The following ZNF723 variants were observed in gnomAD, a reference collection of about 807,000 sequenced individuals.
ZNF723 encodes the protein zinc finger protein 723, pseudogene.
Under a neutral mutation model 9.4 loss-of-function variants are expected in ZNF723, and 5 were observed. The observed-to-expected ratio is 0.53, with a 90% CI of 0.28 to 1.12. ZNF723 has a LOEUF of 1.12. Ranked by LOEUF, ZNF723 falls within the 50% of genes most tolerant of loss-of-function variation. The pLI is 0.10. For missense variants in ZNF723, 450 were observed against 501.5 expected, an observed-to-expected ratio of 0.90 and a Z score of 0.98; for synonymous variants, 158 against 168.8, an observed-to-expected ratio of 0.94 and a Z score of 0.49.
intron 3 of ZNF723, among the ~76,000 whole-genome samples, chr19:22,856,806 C>T (rs1303102568): frequency 6.6e-6 from 1 of 152,190 alleles, no homozygotes; most frequent in East Asian, 1.9e-4. Flanking sequence ...CAGGAGCTTA[C>T]AATTTACTTG....
At chr19:22,828,430 A>G (rs1599467606), upstream of ZNF723, among the ~76,000 whole-genome samples, 1 of 152,272 alleles carries the variant, frequency 6.6e-6, no homozygotes. Flanking sequence ...CGGGGCGGGC[A>G]GATCACAAGG....
At chr19:22,856,822 G>A (rs550830671) in intron 3 of ZNF723, among the ~76,000 whole-genome samples, 2 of 152,260 alleles carry the variant, frequency 1.3e-5, no homozygotes, top group South Asian at 4.1e-4. Context: ...ACTTGTAAAG[G>A]CTCTTTGCTA....
At chr19:22,838,971 T>C (rs570641608) in intron 1 of ZNF723, among the ~76,000 whole-genome samples, 1 of 152,060 alleles carries the variant, frequency 6.6e-6, no homozygotes, top group African/African-American at 2.4e-5. Context: ...GGTCTCGAAC[T>C]CCTTACCTTA....
chr19:22,831,207 G>A (rs1265280209), upstream of ZNF723, among the ~76,000 whole-genome samples: 1 of 152,196 alleles, frequency 6.6e-6, no homozygotes, highest in Admixed American at 6.5e-5. Context: ...AGAACCGACA[G>A]TGTGCTAGTT....
At chr19:22,822,219 CAATTAGGA>C in the ZNF723 span, among the ~76,000 whole-genome samples, 2 of 152,228 alleles carry the variant, frequency 1.3e-5, no homozygotes, top group African/African-American at 4.8e-5. Flanking sequence ...ACCAAGCCAA[CAATTAGGA>C]TTGTCACTTC....
At chr19:22,833,119 C>T (rs1056024574) in intron 1 of ZNF723, among the ~76,000 whole-genome samples, 1 of 151,728 alleles carries the variant, frequency 6.6e-6, no homozygotes, top group Non-Finnish European at 1.5e-5. Flanking sequence ...AGTAGATTTC[C>T]ACCTCAGCCT....
intron 1 of ZNF723, among the ~76,000 whole-genome samples, chr19:22,848,025 C>G (rs1967337912): frequency 1.3e-5 from 2 of 151,470 alleles, no homozygotes; most frequent in South Asian, 4.2e-4. Context: ...TCACTTGAAC[C>G]CAGGAGGCAG....
At chr19:22,846,426 C>T (rs1967310382) in intron 1 of ZNF723, among the ~76,000 whole-genome samples, 2 of 152,166 alleles carry the variant, frequency 1.3e-5, no homozygotes, top group African/African-American at 4.8e-5. Context: ...AGTTCAAGAG[C>T]AGCCTGGCCA....
rs989624241 is a variant in ZNF723, at chr19:22,850,757, GT to G, written c.226+1470del. On this transcript the variant is annotated intron_variant, in intron 3 of 3. Transcript: ENST00000600766. Reference sequence around the variant, plus strand: ...AAGAGTTTATTATTTTTTTAGATACGTTTTTTCTCATTTCCTGTTTTACTGC... The same window carrying G: ...AAGAGTTTATTATTTTTTTAGATACGTTTTTCTCATTTCCTGTTTTACTGC... Among the ~76,000 whole-genome samples, 12 of 152,046 alleles carry G rather than the reference GT, an allele frequency of 7.9e-5. 1 individual carries two copies. Among genetic ancestry groups the G allele is most frequent in the Non-Finnish European group, 5.9e-5 (4 of 67,982 alleles).
the ZNF723 span, among the ~76,000 whole-genome samples, chr19:22,817,195 A>G: frequency 6.6e-6 from 1 of 152,224 alleles, no homozygotes; most frequent in Non-Finnish European, 1.5e-5. Context: ...TACTTAGGTG[A>G]TGTGACTATC....
Position 22,839,415 on chromosome 19 carries a change from G to T in ZNF723, c.3+7033G>T, listed in dbSNP as rs146657750. ...GAACTAATTTACACTCCCACCAGCA[G>T]CGTATAAGTACTCCTTTATCTCCAC... On this transcript the variant is annotated intron_variant, in intron 1 of 3. Transcript: ENST00000600766. Among the ~76,000 whole-genome samples, 1,505 of 151,334 alleles carry T rather than the reference G, an allele frequency of 9.9e-3. 50 individuals carry two copies. The highest frequency in any genetic ancestry group is 0.064 in the Admixed American group (972 of 15,194).
chr19:22,817,089 C>T, the ZNF723 span, among the ~76,000 whole-genome samples: 3 of 152,206 alleles, frequency 2.0e-5, no homozygotes, highest in Admixed American at 6.5e-5. Context: ...GCATACATTG[C>T]GTATTTGAAA....
intron 1 of ZNF723, among the ~76,000 whole-genome samples, chr19:22,842,649 T>C (rs1215795674): frequency 6.6e-6 from 1 of 152,192 alleles, no homozygotes; most frequent in East Asian, 1.9e-4. Flanking sequence ...GCCTTAGCTT[T>C]TTTTCTTTTA....
chr19:22,825,107 A>C, the ZNF723 span, among the ~76,000 whole-genome samples: 2 of 152,158 alleles, frequency 1.3e-5, no homozygotes. Flanking sequence ...GACACTGATC[A>C]CCTTGAGGTT....
At chr19:22,856,980 G>T in intron 3 of ZNF723, 138 bp from the exon 4 acceptor site, 1 of 453,620 alleles carries the variant, frequency 2.2e-6, no homozygotes. Context: ...TTACATTTAT[G>T]TCTATGAAGT....
chr19:22,827,449 TG>T (rs1967048998), upstream of ZNF723, among the ~76,000 whole-genome samples: 2 of 129,330 alleles, frequency 1.5e-5, no homozygotes, highest in East Asian at 2.3e-4. Flanking sequence ...TTTTTTTGTT[TG>T]TTTGTTTGTT....
At chr19:22,839,931 C>T (rs777649222) in intron 1 of ZNF723, among the ~76,000 whole-genome samples, 2 of 151,816 alleles carry the variant, frequency 1.3e-5, no homozygotes, top group African/African-American at 2.4e-5. Flanking sequence ...GAAAAGCATC[C>T]GTTCATCTTC....
chr19:22,832,357 C>T lies in ZNF723; in HGVS notation c.-23C>T. ...ATTGGGAGATCCACAGCTAAGACGCCAGGACTCCCTGGAAGCCTAGAAATG... is the reference window on the plus strand; with the variant it reads ...ATTGGGAGATCCACAGCTAAGACGCTAGGACTCCCTGGAAGCCTAGAAATG... On this transcript the variant is annotated 5_prime_UTR_variant, in exon 1 of 4. Coordinates refer to ENST00000600766, the MANE Select transcript of ZNF723 (RefSeq NM_001349726.2). 9.4e-6 allele frequency: 13 copies of T among 1,379,950 alleles called. No homozygotes were observed. Among genetic ancestry groups the T allele is most frequent in the Non-Finnish European group, 7.1e-6 (7 of 985,280 alleles). The allele number at this position is 1,379,950 out of a possible 1,614,324, so 85.5% of individuals were successfully genotyped here.
intron 3 of ZNF723, among the ~76,000 whole-genome samples, chr19:22,850,771 CCT>C (rs1967385599): frequency 1.3e-5 from 2 of 151,822 alleles, no homozygotes; most frequent in South Asian, 4.2e-4. Flanking sequence ...TTTCTCATTT[CCT>C]GTTTTACTGC....
Sources: allele counts gnomAD v4.1 joint callset (sites outside exome capture counted in the v4.1 genomes callset), GRCh38; gene constraint gnomAD v4.1.1; transcripts MANE v1.5; gene names NCBI Gene and HGNC (gene_info 2026-07-23, HGNC 2026-07-21).